The following MTMR10 variants were observed in gnomAD, a reference collection of about 807,000 sequenced individuals.
The protein encoded by MTMR10 is myotubularin related protein 10.
A neutral mutation model predicts 88.1 loss-of-function variants in MTMR10; 56 were observed. The ratio of observed to expected loss-of-function variants is 0.64; its 90% confidence interval spans 0.51 to 0.79. The LOEUF is 0.79. MTMR10 is among the 30% of genes least tolerant of loss of function. The pLI is 0.00. For missense variants in MTMR10, 883 were observed against 924.7 expected (o/e 0.95, Z 0.58); for synonymous variants, 380 against 340.9 (o/e 1.11, Z -1.26).
At chr15:30,970,679 T>C (rs939095415) in intron 5 of MTMR10, among the ~76,000 whole-genome samples, 3 of 152,174 alleles carry the variant, frequency 2.0e-5, no homozygotes, top group Admixed American at 6.6e-5. Flanking sequence ...TCACAGATCA[T>C]TGATCATGGA....
chr15:30,925,868 AC>A, the MTMR10 span: 3 of 1,614,112 alleles, frequency 1.9e-6, no homozygotes, highest in East Asian at 6.7e-5. Flanking sequence ...GAGGCCGCTG[AC>A]CCCACCACGG....
rs1304528348 is a variant in MTMR10, at chr15:30,947,271, G to A, written c.1407C>T (p.Ala469=). 7 of 1,613,276 alleles carry A rather than the reference G, an allele frequency of 4.3e-6. No individual in the cohort carries two copies. The highest frequency in any genetic ancestry group is 5.9e-6 in the Non-Finnish European group (7 of 1,179,752). Residue 469 remains alanine (A), a synonymous_variant, in exon 14 of 16, where the codon GCC becomes GCT. Coordinates refer to ENST00000435680, the MANE Select transcript of MTMR10 (RefSeq NM_017762.3). The part of the protein sequence containing the change: ...ESPLFLLFLD[A]TWQLLEQYPA... ...GATATTGTTCTAACAGCTGCCAGGT[G>A]GCATCCAAGAATAGCAAAAATAAAG...
At chr15:30,929,815 T>C in the MTMR10 span, among the ~76,000 whole-genome samples, 1 of 54,258 alleles carries the variant, frequency 1.8e-5, no homozygotes, top group Non-Finnish European at 2.8e-5. Context: ...AAATATATAA[T>C]ATATTATATC....
In MTMR10 at chr15:30,976,887, A is replaced by T. The variant is rs1261204245; in HGVS notation, c.190T>A (p.Leu64Met). ...TTACTGCATATCAGCTTTCCCCACA[A>T]ATCGTACTGGCTTGTGTCTGTTGCA... ...CIATDTSQYD[L>M]WGKLICSNFK... Residue 64 changes from leucine (L) to methionine (M), a missense_variant, in exon 3 of 16, where the codon TTG (leucine) becomes ATG (methionine). This residue lies in a region of MTMR10 where 414 missense variants were observed against 423.2 expected (regional missense o/e 0.98). Transcript: ENST00000435680. 1 of 1,613,950 alleles carries T rather than the reference A, an allele frequency of 6.2e-7. No homozygotes were observed. The highest frequency in any genetic ancestry group is 8.5e-7 in the Non-Finnish European group (1 of 1,179,826).
intron 7 of MTMR10, among the ~76,000 whole-genome samples, chr15:30,959,624 T>G (rs935932520): frequency 2.0e-5 from 3 of 152,210 alleles, no homozygotes; most frequent in African/African-American, 7.2e-5. Flanking sequence ...ATCTTCCTTC[T>G]TTCCCCGACG....
intron 15 of MTMR10, chr15:30,942,440 T>C (rs2063086912): frequency 3.1e-6 from 1 of 317,772 alleles, no homozygotes; most frequent in South Asian, 5.7e-5. Flanking sequence ...GTCTGATTCT[T>C]TGTTCTGTAC....
At chr15:30,925,741 A>T in the MTMR10 span, 3 of 1,605,378 alleles carry the variant, frequency 1.9e-6, no homozygotes, top group Non-Finnish European at 2.6e-6. Context: ...GTTTTCAGGG[A>T]CTTTTGCTGA....
chr15:30,946,697 T>G, intron 14 of MTMR10: 1 of 702,066 alleles, frequency 1.4e-6, no homozygotes, highest in Admixed American at 2.0e-5. Context: ...TCATAAATCC[T>G]CTACATCAAT....
chr15:30,960,203 A>G (rs1300024853), intron 7 of MTMR10, among the ~76,000 whole-genome samples: 14 of 152,156 alleles, frequency 9.2e-5, no homozygotes, highest in Admixed American at 8.5e-4. Context: ...ATGATATAAG[A>G]GGGGAACTTT....
chr15:30,957,260 A>G (rs1051459565), intron 9 of MTMR10, among the ~76,000 whole-genome samples: 8 of 152,192 alleles, frequency 5.3e-5, no homozygotes, highest in Admixed American at 5.2e-4. Flanking sequence ...CATCTCATGG[A>G]GTAAAAACGA....
chr15:30,943,811 AG>A lies in MTMR10; in HGVS notation c.1549-740del, dbSNP rs1190350922. ...GAGGAAGACATGGAGCTCCTCTGGAAGGCAGCCCAGACCATTTCTATGAAGC... is the reference window on the plus strand; with the variant it reads ...GAGGAAGACATGGAGCTCCTCTGGAAGCAGCCCAGACCATTTCTATGAAGC... On this transcript the variant is annotated intron_variant, in intron 14 of 15. Coordinates refer to ENST00000435680, the MANE Select transcript of MTMR10 (RefSeq NM_017762.3). 1.9e-5 allele frequency: 19 copies of A among 985,466 alleles called. No homozygotes were observed. In the African/African-American group the frequency reaches 2.4e-4, roughly 13 times the overall value. 61.0% of individuals were successfully genotyped at this position (985,466 alleles called of 1,614,324 possible). A position where few individuals can be genotyped will look rare whatever the true frequency, so the allele number is the denominator to read the frequency against.
intron 15 of MTMR10, 152 bp from the exon 16 acceptor site, chr15:30,942,224 A>G: frequency 3.1e-6 from 3 of 952,406 alleles, no homozygotes; most frequent in Non-Finnish European, 4.7e-6. Context: ...CCTTATTCTA[A>G]TCCTCCTCCC....
the MTMR10 span, among the ~76,000 whole-genome samples, chr15:30,929,724 AAAATATATAATATAT>A: frequency 2.3e-5 from 1 of 42,702 alleles, no homozygotes; most frequent in African/African-American, 9.7e-5. Flanking sequence ...TAATATATAT[AAAATATATAATATAT>A]TATATCATAT....
chr15:30,991,586 G>T lies in MTMR10; in HGVS notation c.-80C>A. ...CCTCCGGGCGTAAAGCTCTCAGTGC[G>T]GCCGCCCAGGCCCTTTCTGCGGCCA... On this transcript the variant is annotated 5_prime_UTR_variant, in exon 1 of 16. Transcript: ENST00000435680. 6.8e-7 allele frequency: 1 copy of T among 1,460,434 alleles called. No homozygotes were observed. The highest frequency in any genetic ancestry group is 9.1e-7 in the Non-Finnish European group (1 of 1,104,432). The allele number at this position is 1,460,434 out of a possible 1,614,324, so 90.5% of individuals were successfully genotyped here.
In MTMR10 at chr15:30,942,067, GCT is replaced by G. The variant is rs1201558406; in HGVS notation, c.1735_1736del (p.Ser579LeufsTer19). The G allele has an allele frequency of 6.2e-7, 1 of 1,612,726 alleles. No homozygotes were observed. The highest frequency in any genetic ancestry group is 8.5e-7 in the Non-Finnish European group (1 of 1,179,260). ...SVKSFKRTKK[S>X]YSSTLRGMPS... ...GCATTCCTCTTAGTGTGGAGCTGTA[GCT>G]TTTCTATACAGAAGAGATTTTATTA... On this transcript the variant is annotated frameshift_variant, in exon 16 of 16. Transcript: ENST00000435680. LOFTEE classifies it low-confidence loss of function (END_TRUNC).
chr15:30,965,703 G>A (rs2063464728), intron 6 of MTMR10, among the ~76,000 whole-genome samples: 1 of 152,222 alleles, frequency 6.6e-6, no homozygotes, highest in African/African-American at 2.4e-5. Flanking sequence ...GATATTCACA[G>A]AAGTGTTGGG....
At chr15:30,948,503 A>G (rs940838160) in intron 12 of MTMR10, 32 bp from the exon 13 acceptor site, 7 of 1,560,720 alleles carry the variant, frequency 4.5e-6, no homozygotes, top group Non-Finnish European at 6.1e-6. Flanking sequence ...AATGATTACA[A>G]CATAGAAAAA....
chr15:30,952,623 C>T (rs73366542), intron 11 of MTMR10, among the ~76,000 whole-genome samples: 3,779 of 152,004 alleles, frequency 0.025, 151 homozygotes, highest in African/African-American at 0.087. Flanking sequence ...GCCTCAGGCT[C>T]CCTAGGACAG....
At position 30,974,403 on chromosome 15, in the gene MTMR10, A is replaced by C. The variant is rs754210968; in HGVS notation, c.385T>G (p.Phe129Val). The C allele has an allele frequency of 1.5e-5, 24 of 1,607,680 alleles. No homozygotes were observed. The South Asian group carries it at 2.4e-4, about 16-fold the overall frequency. The change falls in exon 5 of 16, where the codon TTT (phenylalanine) becomes GTT (valine). Residue 129 changes from phenylalanine (F) to valine (V), a missense_variant. Coordinates refer to ENST00000435680, the MANE Select transcript of MTMR10 (RefSeq NM_017762.3). ...KVLGPNQKLK[F>V]NPTELIIYCK... ...TAAATAATTAACTCTGTTGGATTAA[A>C]TTTCAGTTTCTGGTTGGGGCCTAGG...
Sources: gnomAD v4.1 joint callset for allele counts (sites outside exome capture counted in the v4.1 genomes callset) on GRCh38, gnomAD v4.1.1 for gene constraint, gnomAD v4.1.1 regional missense constraint, MANE v1.5 for transcripts, NCBI Gene and HGNC (gene_info 2026-07-23, HGNC 2026-07-21) for gene names.